The following SEMA7A variants were observed in gnomAD, a reference collection of about 807,000 sequenced individuals.
SEMA7A encodes the protein semaphorin 7A (JohnMiltonHagen blood group), also known as semaphorin-7A.
In SEMA7A, 21 loss-of-function variants were observed where a neutral mutation model predicts 67.5. The observed-to-expected ratio is 0.31, with a 90% CI of 0.22 to 0.45. The LOEUF (loss-of-function observed/expected upper bound fraction) is 0.45. Ranked by LOEUF, SEMA7A falls within the 20% of genes least tolerant of loss-of-function variation. The pLI, the probability that SEMA7A is intolerant of heterozygous loss-of-function variation, is 1.00. For synonymous variants in SEMA7A, 364 were observed against 368.5 expected, an observed-to-expected ratio of 0.99 and a Z score of 0.14; for missense variants, 774 against 908.6, an observed-to-expected ratio of 0.85 and a Z score of 1.90.
intron 1 of SEMA7A, among the ~76,000 whole-genome samples, chr15:74,433,409 G>A (rs1026661599): frequency 2.6e-5 from 4 of 151,990 alleles, no homozygotes. Flanking sequence ...CCGAGCCAGA[G>A]GACCCAGAGT....
At chr15:74,431,192 A>G (rs1384990996) in intron 1 of SEMA7A, among the ~76,000 whole-genome samples, 1 of 152,204 alleles carries the variant, frequency 6.6e-6, no homozygotes, top group Non-Finnish European at 1.5e-5. Flanking sequence ...TGACTGGCCC[A>G]TGTGTCAGTG....
intron 1 of SEMA7A, among the ~76,000 whole-genome samples, chr15:74,430,358 G>C (rs913173506): frequency 1.3e-5 from 2 of 152,174 alleles, no homozygotes; most frequent in South Asian, 4.1e-4. Context: ...CCATCCCAGA[G>C]AGAGAGAAAT....
chr15:74,411,969 C>T lies in SEMA7A; in HGVS notation c.1338G>A (p.Glu446=), dbSNP rs771154315. The change falls in exon 11 of 14, where the codon GAG becomes GAA. Residue 446 remains glutamate, a synonymous_variant. Transcript: ENST00000261918. This position sits in a 1 kb window ranked among gnomAD's most constrained non-coding sequence, Gnocchi z 4.4. ...IHKVVEPGEQ[E]HSFAFNIMEI... ...CCATGATGTTGAAGGCGAAGCTGTGCTCCTGCTCCCCCGGTTCCACCACCT... is the reference window on the plus strand; with the variant it reads ...CCATGATGTTGAAGGCGAAGCTGTGTTCCTGCTCCCCCGGTTCCACCACCT... The T allele has an allele frequency of 7.4e-6, 12 of 1,613,918 alleles. No homozygotes were observed. Among genetic ancestry groups the T allele is most frequent in the South Asian group, 1.1e-5 (1 of 91,080 alleles).
At chr15:74,428,411 T>C (rs964912593) in intron 1 of SEMA7A, among the ~76,000 whole-genome samples, 13 of 152,172 alleles carry the variant, frequency 8.5e-5, no homozygotes, top group African/African-American at 2.9e-4. Flanking sequence ...CTCGGGCCAG[T>C]CCCTGTCATC....
chr15:74,426,081 T>G (rs2141288184), intron 1 of SEMA7A, among the ~76,000 whole-genome samples: 1 of 152,314 alleles, frequency 6.6e-6, no homozygotes, highest in South Asian at 2.1e-4. Flanking sequence ...GAGACTAGCC[T>G]GGCCAACATG....
intron 2 of SEMA7A, 126 bp from the exon 3 acceptor site, chr15:74,418,435 C>A (rs952336089): frequency 1.1e-5 from 10 of 912,080 alleles, no homozygotes; most frequent in Non-Finnish European, 1.7e-5. Context: ...AGATGAGCAA[C>A]TGGGGCTCTG....
chr15:74,418,071 G>A, intron 3 of SEMA7A, 102 bp from the exon 4 acceptor site: 1 of 1,388,752 alleles, frequency 7.2e-7, no homozygotes, highest in South Asian at 1.2e-5. Context: ...GTGTCAGAAG[G>A]GCTTAGCATA....
In SEMA7A at chr15:74,433,621, C is replaced by T. The variant is rs554043915; in HGVS notation, c.178+120G>A. ...CCACACGCTCCACGCGGGGACAGCG[C>T]GGGGACAGCCCGGGACCCGCAGAGC... On this transcript the variant is annotated intron_variant, in intron 1 of 13. Transcript: ENST00000261918. The T allele has an allele frequency of 1.5e-5, 19 of 1,281,184 alleles. No homozygotes were observed. In the Admixed American group the frequency reaches 6.8e-4, roughly 46 times the overall value. The allele number at this position is 1,281,184 out of a possible 1,614,324, so 79.4% of individuals were successfully genotyped here.
In SEMA7A at chr15:74,416,730, G is replaced by A. The variant is rs28362918; in HGVS notation, c.662-16C>T. On this transcript the variant is annotated splice_polypyrimidine_tract_variant and intron_variant, in intron 6 of 13. Coordinates refer to ENST00000261918, the MANE Select transcript of SEMA7A (RefSeq NM_003612.5). Reference sequence around the variant, plus strand: ...AACTGTGGGTCTGCCAGGGACAGAGGCGAGTGGGCGTAAGGCTGGGAAGCT... The same window carrying A: ...AACTGTGGGTCTGCCAGGGACAGAGACGAGTGGGCGTAAGGCTGGGAAGCT... 4.5e-3 allele frequency: 7,296 copies of A among 1,612,966 alleles called. 24 individuals are homozygous for A. The highest frequency in any genetic ancestry group is 5.6e-3 in the Non-Finnish European group (6,629 of 1,179,200).
In SEMA7A at chr15:74,411,905, T is replaced by C. The variant is rs1196437876; in HGVS notation, c.1402A>G (p.Met468Val). Residue 468 changes from methionine (M) to valine (V), a missense_variant, in exon 11 of 14, where the codon ATG (methionine) becomes GTG (valine). By Grantham distance (21) the Met-to-Val change is conservative. Around this residue, in one of 2 missense-constraint regions of SEMA7A, gnomAD observed 427 missense variants for 555.4 expected, o/e 0.77. Coordinates refer to ENST00000261918, the MANE Select transcript of SEMA7A (RefSeq NM_003612.5). The surrounding 1 kb of genome is among the most constrained non-coding windows in gnomAD (Gnocchi z 4.4). ...CTCACCCGCTCAGCATCCAGCGACA[T>C]GGTCTGGATGGCAGCCGCGCGGCGG... is the stretch of plus-strand genomic sequence containing the variant. ...PFRRAAAIQT[M>V]SLDAERRKLY... is the part of the protein sequence containing the mutation. 2.5e-6 allele frequency: 4 copies of C among 1,613,900 alleles called. No individual in the cohort carries two copies. Among genetic ancestry groups the C allele is most frequent in the Admixed American group, 1.7e-5 (1 of 60,020 alleles).
At chr15:74,418,687 G>T in intron 2 of SEMA7A, 114 bp downstream of exon 2, 1 of 1,160,542 alleles carries the variant, frequency 8.6e-7, no homozygotes, top group Non-Finnish European at 1.2e-6. Context: ...GGATACGGAG[G>T]TGGGGGCAGT....
At chr15:74,431,013 C>G (rs1015780571) in intron 1 of SEMA7A, among the ~76,000 whole-genome samples, 1 of 152,168 alleles carries the variant, frequency 6.6e-6, no homozygotes, top group African/African-American at 2.4e-5. Flanking sequence ...TCACCTCTGA[C>G]CTTGGGGTTC....
chr15:74,427,425 C>T (rs1420259312), intron 1 of SEMA7A: 10 of 982,962 alleles, frequency 1.0e-5, no homozygotes, highest in Non-Finnish European at 1.2e-5. Flanking sequence ...CCTCGACAGG[C>T]TGGGCCAGAG....
In SEMA7A at chr15:74,417,392, G is replaced by T; in HGVS notation, c.604C>A (p.Arg202=). 6.2e-7 allele frequency: 1 copy of T among 1,614,050 alleles called. No individual in the cohort carries two copies. Among genetic ancestry groups the T allele is most frequent in the African/African-American group, 1.3e-5 (1 of 75,028 alleles). ...RKQEYNGKIP[R]FRRIRGESEL... The stretch of plus-strand genomic sequence containing the variant: ...CTCTCGCCCCGGATGCGGCGGAACC[G>T]AGGGATCTTCCCATTGTATTCCTGC... Residue 202 remains arginine, a synonymous_variant, in exon 6 of 14, where the codon CGG becomes AGG. Coordinates refer to ENST00000261918, the MANE Select transcript of SEMA7A (RefSeq NM_003612.5).
intron 1 of SEMA7A, among the ~76,000 whole-genome samples, chr15:74,426,057 G>A (rs2061041289): frequency 6.6e-6 from 1 of 152,216 alleles, no homozygotes; most frequent in Non-Finnish European, 1.5e-5. Context: ...CAGATCATTT[G>A]AGGTCAGGAG....
intron 1 of SEMA7A, among the ~76,000 whole-genome samples, chr15:74,420,688 T>A (rs1567075543): frequency 6.6e-6 from 1 of 151,844 alleles, no homozygotes; most frequent in Non-Finnish European, 1.5e-5. Context: ...AGTGCTGGGG[T>A]CACAGACACA....
In SEMA7A at chr15:74,411,397, C is replaced by T. The variant is rs369870013; in HGVS notation, c.1578-41G>A. ...CGAAAGAGGATCAGCAGATACAAGG[C>T]TGCAGACCTGACCCTCCTATCCTTA... On this transcript the variant is annotated intron_variant, in intron 12 of 13. Coordinates refer to ENST00000261918, the MANE Select transcript of SEMA7A (RefSeq NM_003612.5). This position sits in a 1 kb window ranked among gnomAD's most constrained non-coding sequence, Gnocchi z 4.4. 1.2e-6 allele frequency: 2 copies of T among 1,606,072 alleles called. No individual in the cohort carries two copies. Among genetic ancestry groups the T allele is most frequent in the Non-Finnish European group, 1.7e-6 (2 of 1,175,266 alleles).
chr15:74,417,035 G>A (rs1033117356), intron 6 of SEMA7A, among the ~76,000 whole-genome samples: 5 of 152,114 alleles, frequency 3.3e-5, no homozygotes, highest in Non-Finnish European at 5.9e-5. Flanking sequence ...GAGGGAGTTG[G>A]GGGCTGCCTC....
chr15:74,427,272 T>C (rs771466987), intron 1 of SEMA7A: 9 of 985,430 alleles, frequency 9.1e-6, no homozygotes, highest in Non-Finnish European at 1.1e-5. Flanking sequence ...TTGCTCCAAG[T>C]CTTCCATTCC....
Sources: gnomAD v4.1 joint callset for allele counts (sites outside exome capture counted in the v4.1 genomes callset) on GRCh38, gnomAD v4.1.1 for gene constraint, gnomAD v4.1.1 regional missense constraint, Gnocchi (gnomAD v3.1) non-coding constraint, MANE v1.5 for transcripts, NCBI Gene and HGNC (gene_info 2026-07-23, HGNC 2026-07-21) for gene names.